PPM1L: variants seen among roughly 807,000 people sequenced by gnomAD.
PPM1L encodes protein phosphatase 1L.
A neutral mutation model predicts 31.4 loss-of-function variants in PPM1L; 13 were observed. The observed-to-expected ratio is 0.41, with a 90% confidence interval of 0.27 to 0.66. The LOEUF is 0.66. Ranked by LOEUF, PPM1L falls within the 30% of genes least tolerant of loss-of-function variation. The pLI is 0.29. For synonymous variants in PPM1L, 184 were observed against 175.4 expected (o/e 1.05, Z -0.39); for missense variants, 326 against 453.7 (o/e 0.72, Z 2.56).
rs921036346 is a variant in PPM1L at position 160,905,803 on chromosome 3, C to T, written c.400-55933C>T. ...AATTCTAGTATTGGTTGACCCTATT[C>T]TCATTTGATTTTTGATGGGAAAAGT... On this transcript the variant is annotated intron_variant, in intron 1 of 3. Transcript: ENST00000498165. 2.0e-5 allele frequency among the ~76,000 whole-genome samples: 3 copies of T among 152,170 alleles called. No homozygotes were observed. The South Asian group carries it at 6.2e-4, about 32-fold the overall frequency.
chr3:160,875,596 A>G (rs562287853), intron 1 of PPM1L, among the ~76,000 whole-genome samples: 1 of 152,368 alleles, frequency 6.6e-6, no homozygotes, highest in East Asian at 1.9e-4. Context: ...TAAATAAAAT[A>G]GCTAGAAGTT....
chr3:160,883,359 G>T (rs891438785), intron 1 of PPM1L, among the ~76,000 whole-genome samples: 2 of 152,116 alleles, frequency 1.3e-5, no homozygotes, highest in African/African-American at 4.8e-5. Flanking sequence ...TCTTAAAAAT[G>T]AAATATGTGT....
chr3:161,021,012 A>G (rs7610432), intron 2 of PPM1L, among the ~76,000 whole-genome samples: 51,630 of 151,342 alleles, frequency 0.34, 9,202 homozygotes, highest in East Asian at 0.64. Context: ...TTTTTTAAGA[A>G]CCTACTTTTG....
chr3:160,789,219 T>A (rs1392264432), intron 1 of PPM1L, among the ~76,000 whole-genome samples: 2 of 151,972 alleles, frequency 1.3e-5, no homozygotes, highest in Non-Finnish European at 2.9e-5. Flanking sequence ...CAAGACTTTT[T>A]AATTTTAGTT....
At chr3:160,894,613 A>T (rs563866599) in intron 1 of PPM1L, among the ~76,000 whole-genome samples, 17 of 152,342 alleles carry the variant, frequency 1.1e-4, no homozygotes, top group Admixed American at 9.1e-4. Flanking sequence ...TCACAAAGCC[A>T]GTTAGTGGCA....
chr3:160,950,024 G>C (rs1249110205), intron 1 of PPM1L, among the ~76,000 whole-genome samples: 1 of 152,160 alleles, frequency 6.6e-6, no homozygotes, highest in Non-Finnish European at 1.5e-5. Flanking sequence ...CTCGAAGTGG[G>C]AGCCAGAGAG....
chr3:160,827,948 G>A (rs1017222221), intron 1 of PPM1L, among the ~76,000 whole-genome samples: 1 of 152,060 alleles, frequency 6.6e-6, no homozygotes, highest in Non-Finnish European at 1.5e-5. Flanking sequence ...CAAAGTGAGA[G>A]AAAGAGCAAG....
rs943325224 is a variant in PPM1L, at chr3:161,070,768, C to T, written c.*1611C>T. ...CCTCCTCGCCGTGGAACCCTGCCCT[C>T]TCCCCTCCTGCTGCTGTAGAGTTTT... On this transcript the variant is annotated 3_prime_UTR_variant, in exon 4 of 4. Transcript: ENST00000498165. 2.0e-5 allele frequency: 3 copies of T among 152,214 alleles called. No individual in the cohort carries two copies. Among genetic ancestry groups the T allele is most frequent in the Non-Finnish European group, 4.4e-5 (3 of 68,090 alleles). 9.4% of individuals were successfully genotyped at this position (152,214 alleles called of 1,614,324 possible).
intron 1 of PPM1L, among the ~76,000 whole-genome samples, chr3:160,818,953 T>C (rs1713076985): frequency 6.6e-6 from 1 of 151,998 alleles, no homozygotes; most frequent in Non-Finnish European, 1.5e-5. Context: ...GTCTCCTCTT[T>C]TGGTGAGCTG....
chr3:161,055,816 C>T (rs1441971974), intron 2 of PPM1L, among the ~76,000 whole-genome samples: 2 of 151,978 alleles, frequency 1.3e-5, no homozygotes, highest in Non-Finnish European at 2.9e-5. Context: ...TGGCAGTTTC[C>T]CTTATTCTCA....
At chr3:160,831,354 G>A (rs1207744726) in intron 1 of PPM1L, among the ~76,000 whole-genome samples, 1 of 152,194 alleles carries the variant, frequency 6.6e-6, no homozygotes, top group Non-Finnish European at 1.5e-5. Flanking sequence ...GCTGATGGCA[G>A]TAGAGGCTTT....
intron 2 of PPM1L, among the ~76,000 whole-genome samples, chr3:160,974,388 G>A (rs1336692729): frequency 6.6e-6 from 1 of 152,044 alleles, no homozygotes; most frequent in Non-Finnish European, 1.5e-5. Flanking sequence ...TGTATATCCA[G>A]TAATGGGATG....
At chr3:160,765,313 A>G (rs1197784885) in intron 1 of PPM1L, among the ~76,000 whole-genome samples, 2 of 152,166 alleles carry the variant, frequency 1.3e-5, no homozygotes, top group Non-Finnish European at 2.9e-5. Flanking sequence ...TTGAAGCCCT[A>G]CAGATCTCCT....
chr3:160,912,202 G>C (rs1714000362), intron 1 of PPM1L, among the ~76,000 whole-genome samples: 1 of 152,168 alleles, frequency 6.6e-6, no homozygotes, highest in Non-Finnish European at 1.5e-5. Context: ...CCTGGGCCCA[G>C]TGAAAACCTT....
chr3:160,911,927 G>C (rs1394377747), intron 1 of PPM1L, among the ~76,000 whole-genome samples: 1 of 152,182 alleles, frequency 6.6e-6, no homozygotes, highest in African/African-American at 2.4e-5. Context: ...GTTGAACCCT[G>C]AGAGTAGTTT....
intron 2 of PPM1L, among the ~76,000 whole-genome samples, chr3:160,987,860 G>A (rs941351737): frequency 3.3e-5 from 5 of 152,146 alleles, no homozygotes; most frequent in Non-Finnish European, 5.9e-5. Context: ...TTTTTAAATC[G>A]TCACATAGCT....
intron 1 of PPM1L, among the ~76,000 whole-genome samples, chr3:160,804,707 G>A (rs1323114932): frequency 6.6e-6 from 1 of 152,144 alleles, no homozygotes; most frequent in East Asian, 1.9e-4. Context: ...AGATAACTAT[G>A]TTTGTGAAAT....
intron 1 of PPM1L, among the ~76,000 whole-genome samples, chr3:160,878,315 A>T (rs1255968284): frequency 6.6e-6 from 1 of 152,216 alleles, no homozygotes; most frequent in African/African-American, 2.4e-5. Context: ...TGCTAGAACA[A>T]AAAATCATAG....
intron 2 of PPM1L, among the ~76,000 whole-genome samples, chr3:160,978,337 G>A (rs935327848): frequency 5.3e-5 from 8 of 152,198 alleles, no homozygotes; most frequent in African/African-American, 1.9e-4. Context: ...GAGGAAGCAA[G>A]CAATAAATAG....
Sources: allele counts gnomAD v4.1 joint callset (sites outside exome capture counted in the v4.1 genomes callset), GRCh38; gene constraint gnomAD v4.1.1; transcripts MANE v1.5; gene names NCBI Gene and HGNC (gene_info 2026-07-23, HGNC 2026-07-21).